The following CTNNA1 variants were observed in gnomAD, a reference collection of about 807,000 sequenced individuals.
CTNNA1 encodes catenin alpha 1, also known as catenin alpha-1.
Under a neutral mutation model 98.4 loss-of-function variants are expected in CTNNA1, and 37 were observed. The ratio of observed to expected loss-of-function variants is 0.38; its 90% confidence interval spans 0.29 to 0.49. CTNNA1 has a LOEUF of 0.49. CTNNA1 is among the 20% of genes least tolerant of loss of function. The pLI, the probability that CTNNA1 is intolerant of heterozygous loss-of-function variation, is 0.95. For synonymous variants in CTNNA1, 404 were observed against 413.2 expected (o/e 0.98, Z 0.27); for missense variants, 761 against 1,147.2 (o/e 0.66, Z 4.86).
intron 1 of CTNNA1, among the ~76,000 whole-genome samples, chr5:138,768,752 C>A (rs928788637): frequency 6.6e-6 from 1 of 151,712 alleles, no homozygotes; most frequent in Non-Finnish European, 1.5e-5. Context: ...GATGATGTTT[C>A]TTTCTTAGGG....
chr5:138,900,673 T>C (rs533288353), intron 9 of CTNNA1, among the ~76,000 whole-genome samples: 2 of 152,192 alleles, frequency 1.3e-5, no homozygotes, highest in Non-Finnish European at 2.9e-5. Context: ...CATCGTGGAG[T>C]AAAGGTAGAG....
chr5:138,843,497 A>G (rs1762439707), intron 7 of CTNNA1, among the ~76,000 whole-genome samples: 3 of 152,194 alleles, frequency 2.0e-5, no homozygotes, highest in African/African-American at 7.2e-5. Context: ...CTCACTCTCC[A>G]TTTTATAGGC....
rs1277729081 is a variant in CTNNA1, at chr5:138,874,670, A to G, written c.1063-11542A>G. Reference sequence around the variant, plus strand: ...ATTATAGCAAAAGATTTCACTGCATATAACTTATTTTTCATTTACTGCAGA... The same window carrying G: ...ATTATAGCAAAAGATTTCACTGCATGTAACTTATTTTTCATTTACTGCAGA... On this transcript the variant is annotated intron_variant, in intron 7 of 17. Coordinates refer to ENST00000302763, the MANE Select transcript of CTNNA1 (RefSeq NM_001903.5). The surrounding 1 kb of genome is among the most constrained non-coding windows in gnomAD (Gnocchi z 4.1). The G allele has an allele frequency of 5.2e-6, 4 of 772,642 alleles. No individual in the cohort carries two copies. The highest frequency in any genetic ancestry group is 3.5e-5 in the African/African-American group (2 of 56,996). The allele number at this position is 772,642 out of a possible 1,614,324, so 47.9% of individuals were successfully genotyped here.
intron 3 of CTNNA1, among the ~76,000 whole-genome samples, chr5:138,786,615 C>T (rs998065195): frequency 6.6e-6 from 1 of 152,188 alleles, no homozygotes; most frequent in Non-Finnish European, 1.5e-5. Flanking sequence ...CGTATCCACT[C>T]CACTTTTTCT....
At chr5:138,855,039 T>C (rs2149860238) in intron 7 of CTNNA1, among the ~76,000 whole-genome samples, 1 of 152,286 alleles carries the variant, frequency 6.6e-6, no homozygotes, top group South Asian at 2.1e-4. Flanking sequence ...TGTCATTTTG[T>C]TTGTTTGTTT....
intron 1 of CTNNA1, among the ~76,000 whole-genome samples, chr5:138,771,597 G>T (rs1261307590): frequency 6.6e-6 from 1 of 151,958 alleles, no homozygotes; most frequent in Non-Finnish European, 1.5e-5. Flanking sequence ...ATGTTGCCCA[G>T]ACTGGTCTTG....
intron 3 of CTNNA1, among the ~76,000 whole-genome samples, chr5:138,809,424 T>A (rs565520240): frequency 6.6e-6 from 1 of 152,332 alleles, no homozygotes; most frequent in East Asian, 1.9e-4. Context: ...TTCATATATA[T>A]AAATATTTTC....
intron 7 of CTNNA1, among the ~76,000 whole-genome samples, chr5:138,845,508 G>A (rs999228529): frequency 1.3e-5 from 2 of 152,214 alleles, no homozygotes; most frequent in African/African-American, 4.8e-5. Flanking sequence ...TTGTCACGTA[G>A]ATAGTATCGA....
At chr5:138,832,574 T>C in intron 7 of CTNNA1, among the ~76,000 whole-genome samples, 1 of 152,214 alleles carries the variant, frequency 6.6e-6, no homozygotes, top group Non-Finnish European at 1.5e-5. Flanking sequence ...GAAAAAGTTA[T>C]TACCATTTTT....
Position 138,781,910 on chromosome 5 carries a change from G to GT in CTNNA1, c.-2-10dup, listed in dbSNP as rs780828974. 6.4e-7 allele frequency: 1 copy of GT among 1,569,404 alleles called. No homozygotes were observed. Among genetic ancestry groups the GT allele is most frequent in the Non-Finnish European group, 8.6e-7 (1 of 1,167,180 alleles). ...TTGATGTTTGCCTGACTGACTTTTT[G>GT]TTTCTTATTTAGAAATGACTGCTGT... On this transcript the variant is annotated splice_polypyrimidine_tract_variant and intron_variant, in intron 1 of 17. Coordinates refer to ENST00000302763, the MANE Select transcript of CTNNA1 (RefSeq NM_001903.5).
Position 138,810,581 on chromosome 5 carries a change from CAT to C in CTNNA1, c.468+378_468+379del, listed in dbSNP as rs1416178711. 1.1e-4 allele frequency among the ~76,000 whole-genome samples: 16 copies of C among 152,296 alleles called. No homozygotes were observed. The East Asian group carries it at 3.1e-3, about 29-fold the overall frequency. Reference sequence around the variant, plus strand: ...CATTTAACCCTGAGTGGACACAGCACATGTTTCAGAGAGCACAGGGTTGGGGG... The same window carrying C: ...CATTTAACCCTGAGTGGACACAGCACGTTTCAGAGAGCACAGGGTTGGGGG... On this transcript the variant is annotated intron_variant, in intron 4 of 17. Coordinates refer to ENST00000302763, the MANE Select transcript of CTNNA1 (RefSeq NM_001903.5).
At chr5:138,860,486 G>GT (rs1306176297) in intron 7 of CTNNA1, among the ~76,000 whole-genome samples, 1 of 124,250 alleles carries the variant, frequency 8.0e-6, no homozygotes, top group African/African-American at 3.3e-5. Context: ...GGCAGGGTTT[G>GT]GTTTTTTTTG....
At position 138,914,469 on chromosome 5, in the gene CTNNA1, T is replaced by C. The variant is rs574107484; in HGVS notation, c.1390-3273T>C. Among the ~76,000 whole-genome samples the C allele has an allele frequency of 1.1e-4, 17 of 152,342 alleles. 1 individual carries two copies. In the South Asian group the frequency reaches 3.5e-3, roughly 32 times the overall value. ...AAAAACAAGGATCTCTTCTTCCAAATTATTGCCTAAACCCAGGCACTTATG... is the reference window on the plus strand; with the variant it reads ...AAAAACAAGGATCTCTTCTTCCAAACTATTGCCTAAACCCAGGCACTTATG... On this transcript the variant is annotated intron_variant, in intron 10 of 17. Coordinates refer to ENST00000302763, the MANE Select transcript of CTNNA1 (RefSeq NM_001903.5).
intron 7 of CTNNA1, among the ~76,000 whole-genome samples, chr5:138,882,804 CAAAA>C (rs1361590101): frequency 6.6e-6 from 1 of 152,164 alleles, no homozygotes; most frequent in Non-Finnish European, 1.5e-5. Context: ...ACTTTAATCT[CAAAA>C]GAAGTAGAAT....
At chr5:138,837,374 T>C (rs1286729109) in intron 7 of CTNNA1, among the ~76,000 whole-genome samples, 2 of 152,026 alleles carry the variant, frequency 1.3e-5, no homozygotes, top group Non-Finnish European at 2.9e-5. Context: ...ATAAATAAAG[T>C]TTTATTGGAA....
chr5:138,932,905 G>A (rs1765691673), intron 17 of CTNNA1, 193 bp downstream of exon 17: 1 of 811,276 alleles, frequency 1.2e-6, no homozygotes, highest in Non-Finnish European at 2.2e-6. Context: ...ACACCTGCGG[G>A]GCACTGCAAG....
intron 7 of CTNNA1, among the ~76,000 whole-genome samples, chr5:138,830,248 G>T (rs1761141271): frequency 6.6e-6 from 1 of 151,986 alleles, no homozygotes; most frequent in African/African-American, 2.4e-5. Flanking sequence ...TGTAGTCCCA[G>T]CTACTCGGGA....
At chr5:138,863,054 A>G (rs1270853770) in intron 7 of CTNNA1, among the ~76,000 whole-genome samples, 2 of 152,050 alleles carry the variant, frequency 1.3e-5, no homozygotes, top group South Asian at 2.1e-4. Flanking sequence ...AAGGTACATA[A>G]AGGTTGAAGG....
At chr5:138,853,120 G>C (rs1044992321) in intron 7 of CTNNA1, among the ~76,000 whole-genome samples, 1 of 151,492 alleles carries the variant, frequency 6.6e-6, no homozygotes, top group Non-Finnish European at 1.5e-5. Flanking sequence ...TTGCTGATCT[G>C]ATGAGTGTGA....
Sources: gnomAD v4.1 joint callset for allele counts (sites outside exome capture counted in the v4.1 genomes callset) on GRCh38, gnomAD v4.1.1 for gene constraint, Gnocchi (gnomAD v3.1) non-coding constraint, MANE v1.5 for transcripts, NCBI Gene and HGNC (gene_info 2026-07-23, HGNC 2026-07-21) for gene names.